The following CCDC158 variants were observed in gnomAD, a reference collection of about 807,000 sequenced individuals.
CCDC158 encodes coiled-coil domain containing 158.
CCDC158 carries 116 observed loss-of-function variants against 138.6 expected under a neutral mutation model. That is an observed-to-expected ratio of 0.84 (90% CI 0.72 to 0.98). CCDC158 has a LOEUF of 0.98. Among genes scored for constraint, CCDC158 ranks in the 50% least tolerant of loss-of-function variants. CCDC158 has a pLI of 0.00. For synonymous variants in CCDC158, 436 were observed against 442.4 expected, an observed-to-expected ratio of 0.99 and a Z score of 0.18; for missense variants, 1,265 against 1,306.1, an observed-to-expected ratio of 0.97 and a Z score of 0.48.
chr4:76,415,031 T>C (rs1472074574), intron 1 of CCDC158, among the ~76,000 whole-genome samples: 1 of 152,200 alleles, frequency 6.6e-6, no homozygotes, highest in South Asian at 2.1e-4. Context: ...TAGAGAATTG[T>C]TGAATGGCTT....
chr4:76,395,929 T>C (rs1481864028), intron 4 of CCDC158, among the ~76,000 whole-genome samples: 2 of 152,204 alleles, frequency 1.3e-5, no homozygotes, highest in Non-Finnish European at 2.9e-5. Context: ...TCAGGTATCA[T>C]GATAGCAGGA....
chr4:76,375,783 T>G, intron 9 of CCDC158: 2 of 568,890 alleles, frequency 3.5e-6, no homozygotes, highest in Non-Finnish European at 6.2e-6. Context: ...ATCTCACATT[T>G]TTTTGAAGTA....
At chr4:76,389,846 G>A (rs531440623) in intron 4 of CCDC158, among the ~76,000 whole-genome samples, 14 of 152,102 alleles carry the variant, frequency 9.2e-5, no homozygotes, top group Non-Finnish European at 2.1e-4. Context: ...ATCTACTGTA[G>A]AATAGTATAT....
chr4:76,351,595 C>T (rs946411050), intron 17 of CCDC158, 125 bp downstream of exon 17: 5 of 636,556 alleles, frequency 7.9e-6, no homozygotes, highest in Middle Eastern at 4.2e-4. Flanking sequence ...CTTATCATTG[C>T]TATTAATAGT....
chr4:76,356,876 G>C (rs1200557498), intron 14 of CCDC158, among the ~76,000 whole-genome samples: 1 of 152,090 alleles, frequency 6.6e-6, no homozygotes, highest in African/African-American at 2.4e-5. Context: ...GCATTAGTAT[G>C]GGCAGCAAGG....
At chr4:76,373,862 G>A (rs2110266840) in intron 9 of CCDC158, among the ~76,000 whole-genome samples, 1 of 152,274 alleles carries the variant, frequency 6.6e-6, no homozygotes, top group Non-Finnish European at 1.5e-5. Context: ...TTAGATCACT[G>A]TCTAAAATGT....
rs1393439850 is a variant in CCDC158 at position 76,334,122 on chromosome 4, G to A, written c.2710C>T (p.Leu904=). Residue 904 remains leucine, a synonymous_variant, in exon 19 of 25, where the codon CTG becomes TTG. Coordinates refer to ENST00000682701, the MANE Select transcript of CCDC158 (RefSeq NM_001394954.1). ...NTLKEDPTRD[L]KQLLQELRSV... is the part of the protein sequence containing the mutation. Reference sequence around the variant, plus strand: ...CTCAACTCTTGGAGAAGCTGTTTCAGGTCCCTTGTTGGATCTTCCTTCAGT... The same window carrying A: ...CTCAACTCTTGGAGAAGCTGTTTCAAGTCCCTTGTTGGATCTTCCTTCAGT... 1.2e-6 allele frequency: 2 copies of A among 1,613,498 alleles called. No individual in the cohort carries two copies. The highest frequency in any genetic ancestry group is 1.7e-5 in the Admixed American group (1 of 60,002).
At chr4:76,321,579 G>A (rs911957939) in intron 24 of CCDC158, among the ~76,000 whole-genome samples, 3 of 146,590 alleles carry the variant, frequency 2.0e-5, no homozygotes, top group Non-Finnish European at 4.5e-5. Context: ...CTATTACATG[G>A]TGTGTATATA....
At chr4:76,318,743 C>T (rs1038491601) in intron 24 of CCDC158, among the ~76,000 whole-genome samples, 1 of 152,090 alleles carries the variant, frequency 6.6e-6, no homozygotes, top group African/African-American at 2.4e-5. Context: ...ATGATGAACA[C>T]AGATGCAAAA....
intron 1 of CCDC158, among the ~76,000 whole-genome samples, chr4:76,419,589 AT>A (rs902186071): frequency 6.6e-6 from 1 of 152,108 alleles, no homozygotes; most frequent in Non-Finnish European, 1.5e-5. Context: ...GTTGCCAGGC[AT>A]TTGGTGACTT....
intron 2 of CCDC158, among the ~76,000 whole-genome samples, chr4:76,409,672 A>G (rs528650710): frequency 3.9e-5 from 6 of 152,162 alleles, no homozygotes; most frequent in South Asian, 4.1e-4. Context: ...TCTACTAAAA[A>G]TACAAAAAAT....
intron 9 of CCDC158, among the ~76,000 whole-genome samples, chr4:76,376,186 G>A (rs933199541): frequency 6.6e-6 from 1 of 151,848 alleles, no homozygotes; most frequent in Non-Finnish European, 1.5e-5. Flanking sequence ...TTCTAGTAGC[G>A]AGAACTACAG....
intron 9 of CCDC158, 86 bp from the exon 10 acceptor site, chr4:76,371,622 T>G: frequency 6.7e-7 from 1 of 1,493,542 alleles, no homozygotes; most frequent in Non-Finnish European, 9.2e-7. Flanking sequence ...ACAAATGGTA[T>G]TATTTTGAGA....
intron 1 of CCDC158, among the ~76,000 whole-genome samples, chr4:76,415,001 A>G (rs922815321): frequency 6.6e-6 from 1 of 152,198 alleles, no homozygotes; most frequent in African/African-American, 2.4e-5. Flanking sequence ...TCAGATGAAG[A>G]CAGGAAAATG....
Position 76,345,403 on chromosome 4 carries a change from AGCAGGAGTGCT to A in CCDC158, c.2664+5582_2664+5592del. The A allele has an allele frequency of 9.5e-6, 9 of 945,582 alleles. 2 individuals carry two copies. The South Asian group carries it at 1.0e-4, about 11-fold the overall frequency. 58.6% of individuals were successfully genotyped at this position (945,582 alleles called of 1,614,324 possible). A position where few individuals can be genotyped will look rare whatever the true frequency, so the allele number is the denominator to read the frequency against. On this transcript the variant is annotated intron_variant, in intron 18 of 24. Transcript: ENST00000682701. ...GACGTCAAATTGGCTGAGGCACACC[AGCAGGAGTGCT>A]GCCTGAAATTTGAACAGCTTTCCAA...
At chr4:76,335,145 A>T (rs1354289463) in intron 18 of CCDC158, among the ~76,000 whole-genome samples, 1 of 152,222 alleles carries the variant, frequency 6.6e-6, no homozygotes, top group African/African-American at 2.4e-5. Flanking sequence ...ACTCCACTCA[A>T]TTATTAAATT....
chr4:76,323,715 T>A lies in CCDC158; in HGVS notation c.3170-306A>T, dbSNP rs1247161922. ...GAAAAGAACACTTCAAGTTTAATGATGCATTCTGCATTATAAATGACAGCT... is the reference window on the plus strand; with the variant it reads ...GAAAAGAACACTTCAAGTTTAATGAAGCATTCTGCATTATAAATGACAGCT... On this transcript the variant is annotated intron_variant, in intron 23 of 24. Coordinates refer to ENST00000682701, the MANE Select transcript of CCDC158 (RefSeq NM_001394954.1). Among the ~76,000 whole-genome samples, 3 of 152,240 alleles carry A rather than the reference T, an allele frequency of 2.0e-5. No individual in the cohort carries two copies. In the South Asian group the frequency reaches 6.2e-4, roughly 32 times the overall value.
chr4:76,344,127 C>G (rs1010539611), intron 18 of CCDC158, among the ~76,000 whole-genome samples: 1 of 152,146 alleles, frequency 6.6e-6, no homozygotes, highest in Non-Finnish European at 1.5e-5. Flanking sequence ...CCCAAAATCT[C>G]CTTAAGCTGA....
At chr4:76,382,379 C>T (rs1262914860) in intron 8 of CCDC158, among the ~76,000 whole-genome samples, 1 of 152,116 alleles carries the variant, frequency 6.6e-6, no homozygotes, top group Non-Finnish European at 1.5e-5. Context: ...AATATGAATA[C>T]TTAAAACAGC....
Sources: allele counts gnomAD v4.1 joint callset (sites outside exome capture counted in the v4.1 genomes callset), GRCh38; gene constraint gnomAD v4.1.1; transcripts MANE v1.5; gene names NCBI Gene and HGNC (gene_info 2026-07-23, HGNC 2026-07-21).